Variants in AFDN observed in about 807,000 individuals in gnomAD.
AFDN encodes afadin.
Under a neutral mutation model 216.6 loss-of-function variants are expected in AFDN, and 68 were observed. The ratio of observed to expected loss-of-function variants is 0.31; its 90% CI spans 0.26 to 0.38. The LOEUF (loss-of-function observed/expected upper bound fraction) is 0.38. Ranked by LOEUF, AFDN falls within the 10% of genes least tolerant of loss-of-function variation. The pLI is 1.00. For missense variants in AFDN, 2,136 were observed against 2,342.0 expected, an observed-to-expected ratio of 0.91 and a Z score of 1.82; for synonymous variants, 868 against 853.7, an observed-to-expected ratio of 1.02 and a Z score of -0.29.
At position 167,914,040 on chromosome 6, in the gene AFDN, TG is replaced by T. The variant is rs1228047745; in HGVS notation, c.2059-127del. The T allele has an allele frequency of 9.4e-6, 9 of 954,198 alleles. No homozygotes were observed. In the African/African-American group the frequency reaches 1.5e-4, roughly 16 times the overall value. 59.1% of individuals were successfully genotyped at this position (954,198 alleles called of 1,614,324 possible). On this transcript the variant is annotated intron_variant, in intron 16 of 33. Coordinates refer to ENST00000683244, the MANE Select transcript of AFDN (RefSeq NM_001386888.1). ...AATTATTTTGCAAATATCTGGTATC[TG>T]TGGTAAATACCTTGGTGAAATGGGA... is the stretch of plus-strand genomic sequence containing the variant.
At chr6:167,899,258 A>G (rs1391033530) in intron 11 of AFDN, among the ~76,000 whole-genome samples, 1 of 152,082 alleles carries the variant, frequency 6.6e-6, no homozygotes, top group Admixed American at 6.5e-5. Flanking sequence ...GTTATCACAT[A>G]TATTTATTTG....
At chr6:167,847,990 T>C (rs984523399) in intron 1 of AFDN, among the ~76,000 whole-genome samples, 27 of 152,326 alleles carry the variant, frequency 1.8e-4, no homozygotes, top group Middle Eastern at 3.4e-3. Context: ...CAACCAGGAT[T>C]CTGCCTGGGA....
intron 1 of AFDN, among the ~76,000 whole-genome samples, chr6:167,844,683 A>G (rs912068148): frequency 6.6e-6 from 1 of 152,112 alleles, no homozygotes; most frequent in Non-Finnish European, 1.5e-5. Context: ...TTCAAAAGGT[A>G]GGGGGCCCTC....
intron 1 of AFDN, among the ~76,000 whole-genome samples, chr6:167,830,744 T>G (rs1003231285): frequency 6.6e-6 from 1 of 152,164 alleles, no homozygotes; most frequent in South Asian, 2.1e-4. Flanking sequence ...ATACTCTGAT[T>G]AATCGAGAAG....
At chr6:167,920,121 A>C (rs1220080728) in intron 21 of AFDN, among the ~76,000 whole-genome samples, 5 of 152,182 alleles carry the variant, frequency 3.3e-5, no homozygotes, top group African/African-American at 4.8e-5. Flanking sequence ...AGAGAGGCCA[A>C]GGTGAGATGA....
intron 7 of AFDN, among the ~76,000 whole-genome samples, chr6:167,889,649 C>T (rs976946240): frequency 6.6e-6 from 1 of 152,166 alleles, no homozygotes; most frequent in African/African-American, 2.4e-5. Context: ...TGGCTTTTTG[C>T]TGTAGAGCTT....
At chr6:167,884,662 A>G (rs565920916) in intron 6 of AFDN, among the ~76,000 whole-genome samples, 27 of 152,282 alleles carry the variant, frequency 1.8e-4, no homozygotes, top group South Asian at 1.2e-3. Flanking sequence ...CATGCTGTAA[A>G]TAGATGTGTT....
intron 2 of AFDN, among the ~76,000 whole-genome samples, chr6:167,867,038 G>T (rs1784266604): frequency 6.6e-6 from 1 of 152,212 alleles, no homozygotes; most frequent in Non-Finnish European, 1.5e-5. Flanking sequence ...AAACGTGAAT[G>T]AAACCACTAA....
intron 21 of AFDN, 85 bp downstream of exon 21, chr6:167,919,018 C>G: frequency 8.2e-7 from 1 of 1,214,100 alleles, no homozygotes; most frequent in Non-Finnish European, 1.2e-6. Context: ...TAGGGTAGTC[C>G]ACTTGTGTGG....
At position 167,968,191 on chromosome 6, in the gene AFDN, G is replaced by GA. The variant is rs575954296; in HGVS notation, c.5258-916dup. 9.9e-5 allele frequency among the ~76,000 whole-genome samples: 15 copies of GA among 152,162 alleles called. No homozygotes were observed. In the South Asian group the frequency reaches 2.7e-3, roughly 27 times the overall value. On this transcript the variant is annotated intron_variant, in intron 32 of 33. Coordinates refer to ENST00000683244, the MANE Select transcript of AFDN (RefSeq NM_001386888.1). ...AGATAAAAAATTTGGAACTAAAATT[G>GA]AAAAAAATGTCTCCATGCGGTAATT...
chr6:167,874,106 G>T (rs962649794), intron 4 of AFDN, among the ~76,000 whole-genome samples: 1 of 152,164 alleles, frequency 6.6e-6, no homozygotes. Context: ...TTTAAAACAG[G>T]CTAGGTTCAT....
At chr6:167,852,687 T>C (rs1782455939) in intron 1 of AFDN, among the ~76,000 whole-genome samples, 1 of 152,198 alleles carries the variant, frequency 6.6e-6, no homozygotes, top group Non-Finnish European at 1.5e-5. Flanking sequence ...TCTGAGCTCC[T>C]GTATTGCTTA....
intron 19 of AFDN, among the ~76,000 whole-genome samples, chr6:167,915,747 AGATT>A (rs1464614814): frequency 1.1e-4 from 17 of 152,260 alleles, no homozygotes; most frequent in Non-Finnish European, 1.9e-4. Context: ...AAGCAACTGC[AGATT>A]GTTTACATGG....
At chr6:167,858,106 A>G (rs890795940) in intron 1 of AFDN, among the ~76,000 whole-genome samples, 2 of 152,164 alleles carry the variant, frequency 1.3e-5, no homozygotes, top group East Asian at 3.8e-4. Context: ...TACTGTGGGG[A>G]AAACTTTCAC....
At chr6:167,831,443 T>C (rs1237707788) in intron 1 of AFDN, among the ~76,000 whole-genome samples, 1 of 152,258 alleles carries the variant, frequency 6.6e-6, no homozygotes, top group African/African-American at 2.4e-5. Flanking sequence ...GTTTTATGTT[T>C]GATTCGGTGT....
intron 2 of AFDN, among the ~76,000 whole-genome samples, chr6:167,866,621 T>C (rs1784215722): frequency 6.6e-6 from 1 of 152,244 alleles, no homozygotes; most frequent in African/African-American, 2.4e-5. Context: ...CTGGGACAGT[T>C]GTGCCTCTTG....
rs1782250517 is a variant in AFDN at position 167,851,063 on chromosome 6, C to T, written c.106-13488C>T. 2.6e-5 allele frequency among the ~76,000 whole-genome samples: 4 copies of T among 152,234 alleles called. No homozygotes were observed. The South Asian group carries it at 6.2e-4, about 24-fold the overall frequency. On this transcript the variant is annotated intron_variant, in intron 1 of 33. Transcript: ENST00000683244. Reference sequence around the variant, plus strand: ...AACCTCCTGCTGGGGTTACAGGCACCCACCACCATGCCCAGCTAATTTCAA... The same window carrying T: ...AACCTCCTGCTGGGGTTACAGGCACTCACCACCATGCCCAGCTAATTTCAA...
At chr6:167,961,411 C>G (rs868214580) in intron 30 of AFDN, among the ~76,000 whole-genome samples, 2 of 152,144 alleles carry the variant, frequency 1.3e-5, no homozygotes, top group Non-Finnish European at 1.5e-5. Context: ...TATCCAAGAC[C>G]AAAAGGGAGA....
chr6:167,920,040 GT>G (rs1791579119), intron 21 of AFDN, among the ~76,000 whole-genome samples: 1 of 152,190 alleles, frequency 6.6e-6, no homozygotes, highest in African/African-American at 2.4e-5. Flanking sequence ...AATGAAATGT[GT>G]TTGCAAAACA....
Sources: allele counts gnomAD v4.1 joint callset (sites outside exome capture counted in the v4.1 genomes callset), GRCh38; gene constraint gnomAD v4.1.1; transcripts MANE v1.5; gene names NCBI Gene and HGNC (gene_info 2026-07-23, HGNC 2026-07-21).